The following RGPD2 variants were observed in gnomAD, a reference collection of about 807,000 sequenced individuals.
RGPD2 encodes the protein RANBP2-like and GRIP domain-containing protein 2.
Under a neutral mutation model 36.0 loss-of-function variants are expected in RGPD2, and 2 were observed. The ratio of observed to expected loss-of-function variants is 0.06; its 90% confidence interval spans 0.02 to 0.17. The LOEUF is 0.17. Ranked by LOEUF, RGPD2 falls within the 10% of genes least tolerant of loss-of-function variation. The pLI is 1.00. For missense variants in RGPD2, 40 were observed against 464.3 expected (o/e 0.09, Z 8.40); for synonymous variants, 19 against 163.8 (o/e 0.12, Z 6.75).
intron 22 of RGPD2, among the ~76,000 whole-genome samples, chr2:87,759,113 TC>T (rs1235564341): frequency 8.2e-6 from 1 of 121,334 alleles, no homozygotes; most frequent in Non-Finnish European, 1.8e-5. Context: ...GCCTCCGGGT[TC>T]AAGCGATTCT....
chr2:87,836,125 T>A, the RGPD2 span, among the ~76,000 whole-genome samples: 2 of 152,090 alleles, frequency 1.3e-5, no homozygotes, highest in Non-Finnish European at 2.9e-5. Flanking sequence ...GAAACTCAGA[T>A]AACCCCTGTG....
At chr2:87,921,765 C>T in the RGPD2 span, among the ~76,000 whole-genome samples, 1 of 152,112 alleles carries the variant, frequency 6.6e-6, no homozygotes, top group Non-Finnish European at 1.5e-5. Context: ...CTGAGGTAGG[C>T]TGCCACATTA....
the RGPD2 span, among the ~76,000 whole-genome samples, chr2:87,857,654 C>G: frequency 2.0e-5 from 3 of 151,440 alleles, no homozygotes; most frequent in Admixed American, 6.6e-5. Context: ...AAATAGTAGT[C>G]GAGGCTAGGC....
At chr2:87,986,215 A>G in the RGPD2 span, among the ~76,000 whole-genome samples, 2 of 148,836 alleles carry the variant, frequency 1.3e-5, no homozygotes, top group African/African-American at 2.5e-5. Context: ...GGCACACTGC[A>G]ACTTCTGCCT....
chr2:87,962,597 T>A, the RGPD2 span, among the ~76,000 whole-genome samples: 3 of 150,986 alleles, frequency 2.0e-5, no homozygotes, highest in Non-Finnish European at 4.4e-5. Flanking sequence ...TTTCTTTCAC[T>A]TGAGGTACCA....
At chr2:87,857,488 G>C in the RGPD2 span, among the ~76,000 whole-genome samples, 1 of 151,396 alleles carries the variant, frequency 6.6e-6, no homozygotes, top group Non-Finnish European at 1.5e-5. Flanking sequence ...GACTACAGGC[G>C]CCCGCCTCCA....
At chr2:87,952,018 C>T in the RGPD2 span, among the ~76,000 whole-genome samples, 7 of 152,230 alleles carry the variant, frequency 4.6e-5, no homozygotes, top group African/African-American at 1.7e-4. Flanking sequence ...TCTGCTTCCA[C>T]CTGTTGAGTT....
the RGPD2 span, among the ~76,000 whole-genome samples, chr2:87,939,433 C>T: frequency 6.6e-6 from 1 of 151,948 alleles, no homozygotes; most frequent in Non-Finnish European, 1.5e-5. Context: ...AAGTCTTTAA[C>T]TGAACTTAGA....
chr2:87,760,617 C>CTT (rs1167386408), intron 22 of RGPD2, among the ~76,000 whole-genome samples: 1 of 10,496 alleles, frequency 9.5e-5, no homozygotes, highest in South Asian at 3.0e-3. Context: ...GTTTCTTTCT[C>CTT]TTTTTTTTTT....
the RGPD2 span, among the ~76,000 whole-genome samples, chr2:87,960,243 A>C: frequency 6.7e-6 from 1 of 149,472 alleles, no homozygotes; most frequent in Admixed American, 6.7e-5. Context: ...TTTTCTACAG[A>C]TCTTCTCTAT....
the RGPD2 span, among the ~76,000 whole-genome samples, chr2:87,937,485 A>G: frequency 3.3e-5 from 5 of 151,818 alleles, no homozygotes. Context: ...AGCCTCAGGA[A>G]ACTTATAACC....
At chr2:87,988,541 A>ATATATATATATAT in the RGPD2 span, among the ~76,000 whole-genome samples, 248 of 54,112 alleles carry the variant, frequency 4.6e-3, 2 homozygotes, top group African/African-American at 1.0e-2. Flanking sequence ...ATATATATAT[A>ATATATATATATAT]TTTTTTTTTT....
the RGPD2 span, among the ~76,000 whole-genome samples, chr2:87,975,746 GC>G: frequency 1.3e-5 from 2 of 151,912 alleles, no homozygotes; most frequent in African/African-American, 4.8e-5. Context: ...GTCTAGTTAT[GC>G]CATGATGTCT....
At chr2:87,961,090 A>G in the RGPD2 span, among the ~76,000 whole-genome samples, 2 of 151,580 alleles carry the variant, frequency 1.3e-5, no homozygotes, top group Non-Finnish European at 2.9e-5. Flanking sequence ...TTCTAGGTTT[A>G]TACTATTTCT....
the RGPD2 span, among the ~76,000 whole-genome samples, chr2:87,972,438 C>A: frequency 8.8e-6 from 1 of 114,172 alleles, no homozygotes; most frequent in African/African-American, 3.5e-5. Flanking sequence ...ATTTCTAGTC[C>A]TTATTTTACT....
At chr2:87,824,731 G>GCCGCC (rs1686560235) in intron 1 of RGPD2, among the ~76,000 whole-genome samples, 2 of 98,898 alleles carry the variant, frequency 2.0e-5, no homozygotes, top group Non-Finnish European at 2.4e-5. Context: ...GCCGCCGCCC[G>GCCGCC]GCCAGGCCGA....
chr2:87,771,441 A>G, intron 22 of RGPD2: 1 of 33,616 alleles, frequency 3.0e-5, no homozygotes, highest in Non-Finnish European at 5.7e-5. Flanking sequence ...CTCTGCCGTC[A>G]GGCTGGAGTA....
At chr2:87,864,903 C>A in the RGPD2 span, among the ~76,000 whole-genome samples, 27,169 of 145,618 alleles carry the variant, frequency 0.19, no homozygotes, top group African/African-American at 0.32. Flanking sequence ...CTGTCTGTAC[C>A]TTGGTTTTCT....
chr2:87,910,701 A>G, the RGPD2 span, among the ~76,000 whole-genome samples: 1 of 151,842 alleles, frequency 6.6e-6, no homozygotes, highest in Non-Finnish European at 1.5e-5. Context: ...TTATACAGAT[A>G]ATAAATGATA....
Sources: allele counts gnomAD v4.1 joint callset (sites outside exome capture counted in the v4.1 genomes callset), GRCh38; gene constraint gnomAD v4.1.1; transcripts MANE v1.5; gene names NCBI Gene and HGNC (gene_info 2026-07-23, HGNC 2026-07-21).